The following MAP4K1 variants were observed in gnomAD, a reference collection of about 807,000 sequenced individuals.
MAP4K1 encodes mitogen-activated protein kinase kinase kinase kinase 1.
MAP4K1 carries 35 observed loss-of-function variants against 122.8 expected under a neutral mutation model. That is an observed-to-expected ratio of 0.29 (90% confidence interval 0.22 to 0.38). The LOEUF (loss-of-function observed/expected upper bound fraction) is 0.38, where lower values mean the gene tolerates loss of function less well. Ranked by LOEUF, MAP4K1 falls within the 10% of genes least tolerant of loss-of-function variation. The probability of loss-of-function intolerance (pLI) is 1.00; values close to 1 mark genes in which losing one functional copy is unlikely to be tolerated. For missense variants in MAP4K1, 791 were observed against 1,072.6 expected (o/e 0.74, Z 3.67); for synonymous variants, 412 against 421.3 (o/e 0.98, Z 0.27).
Position 38,617,211 on chromosome 19 carries a change from C to A in MAP4K1, c.248+143G>T. 2 of 643,834 alleles carry A rather than the reference C, an allele frequency of 3.1e-6. No individual in the cohort carries two copies. The highest frequency in any genetic ancestry group is 5.5e-6 in the Non-Finnish European group (2 of 364,656). 39.9% of individuals were successfully genotyped at this position (643,834 alleles called of 1,614,324 possible). On this transcript the variant is annotated intron_variant, in intron 3 of 30. Transcript: ENST00000396857. The surrounding 1 kb of genome is among the most constrained non-coding windows in gnomAD (Gnocchi z 4.1). ...AGTGAGCTGAGATCATGCCACTGCA[C>A]TCCAGCCTGGCAACAGAACAAGACT...
intron 8 of MAP4K1, among the ~76,000 whole-genome samples, chr19:38,613,331 G>GAAAAAA (rs74176452): frequency 9.5e-6 from 1 of 104,730 alleles, no homozygotes; most frequent in African/African-American, 3.6e-5. Context: ...GAACGAAAAA[G>GAAAAAA]AAAAAAAAAA....
At chr19:38,613,779 AG>A in intron 8 of MAP4K1, 100 bp downstream of exon 8, 1 of 880,188 alleles carries the variant, frequency 1.1e-6, no homozygotes, top group Non-Finnish European at 1.8e-6. Flanking sequence ...AGAAAGGACG[AG>A]GCAGGGGAAC....
Position 38,609,947 on chromosome 19 carries a change from C to G in MAP4K1, c.889G>C (p.Gly297Arg), listed in dbSNP as rs1322359494. Residue 297 changes from glycine to arginine, a missense_variant, in exon 12 of 31, where the codon GGA becomes CGA. By Grantham distance (125) the Gly-to-Arg change is moderately radical. This residue lies in a region of MAP4K1 where 303 missense variants were observed against 344.8 expected (regional missense o/e 0.88). Coordinates refer to ENST00000396857, the MANE Select transcript of MAP4K1 (RefSeq NM_001042600.3). ...TCCTCAATGTCCCCAATGGAGGGTCCTTTCCCGGGATTCTTCAGTTTGTCA... is the reference window on the plus strand; with the variant it reads ...TCCTCAATGTCCCCAATGGAGGGTCGTTTCCCGGGATTCTTCAGTTTGTCA... ...LLDKLKNPGK[G>R]PSIGDIEDEE... 1.2e-6 allele frequency: 2 copies of G among 1,614,216 alleles called. No homozygotes were observed. Among genetic ancestry groups the G allele is most frequent in the Admixed American group, 1.7e-5 (1 of 60,018 alleles).
At chr19:38,602,724 ATATACATG>A (rs1468540722) in intron 19 of MAP4K1, among the ~76,000 whole-genome samples, 2 of 148,030 alleles carry the variant, frequency 1.4e-5, no homozygotes, top group Admixed American at 6.7e-5. Context: ...ATATACACAC[ATATACATG>A]TATACATATA....
chr19:38,605,206 A>G (rs1975287799), intron 19 of MAP4K1, among the ~76,000 whole-genome samples: 1 of 152,024 alleles, frequency 6.6e-6, no homozygotes, highest in African/African-American at 2.4e-5. Flanking sequence ...CCATTTGTGA[A>G]ATGGGGGATA....
Position 38,600,063 on chromosome 19 carries a change from G to A in MAP4K1, c.1608+14C>T. The A allele has an allele frequency of 6.2e-7, 1 of 1,614,170 alleles. No homozygotes were observed. Among genetic ancestry groups the A allele is most frequent in the Non-Finnish European group, 8.5e-7 (1 of 1,180,026 alleles). On this transcript the variant is annotated intron_variant, in intron 21 of 30. Transcript: ENST00000396857. ...CGGCCCTTGCCCTTGCCCTGGCCCG[G>A]TATGGTTCCTCACCATTTCCAGCGT...
At chr19:38,594,699 G>A (rs1283850663) in intron 29 of MAP4K1, among the ~76,000 whole-genome samples, 2 of 151,890 alleles carry the variant, frequency 1.3e-5, no homozygotes, top group Non-Finnish European at 2.9e-5. Flanking sequence ...AGCACTTTGT[G>A]AGGCCAAGGA....
chr19:38,614,812 C>T, intron 4 of MAP4K1: 1 of 238,154 alleles, frequency 4.2e-6, no homozygotes, highest in Non-Finnish European at 8.3e-6. Context: ...ATCCCAAGTA[C>T]TCAGGAGGCT....
At chr19:38,609,843 T>G in intron 12 of MAP4K1, 66 bp downstream of exon 12, 1 of 1,455,350 alleles carries the variant, frequency 6.9e-7, no homozygotes, top group Non-Finnish European at 9.6e-7. Flanking sequence ...AAGGCACTGC[T>G]GGCAGCAGGC....
intron 29 of MAP4K1, among the ~76,000 whole-genome samples, chr19:38,595,055 C>T (rs188598771): frequency 1.0e-3 from 156 of 152,046 alleles, no homozygotes; most frequent in African/African-American, 3.6e-3. Flanking sequence ...GAGGCCAAGG[C>T]GGGTGAATCA....
intron 8 of MAP4K1, among the ~76,000 whole-genome samples, chr19:38,613,180 C>T (rs570164737): frequency 2.0e-5 from 3 of 151,882 alleles, no homozygotes; most frequent in South Asian, 2.1e-4. Context: ...TGGTGGCAGG[C>T]GTCTGTAATC....
At chr19:38,596,517 G>T in intron 25 of MAP4K1, 31 bp from the exon 26 acceptor site, 2 of 1,501,906 alleles carry the variant, frequency 1.3e-6, no homozygotes, top group Non-Finnish European at 1.8e-6. Flanking sequence ...GGCGGGCTAG[G>T]GGGTGGTTCA....
At chr19:38,613,056 C>A (rs2144740278) in intron 8 of MAP4K1, among the ~76,000 whole-genome samples, 1 of 151,874 alleles carries the variant, frequency 6.6e-6, no homozygotes, top group South Asian at 2.1e-4. Flanking sequence ...GCCTGTAATT[C>A]CAGCACTTTG....
At position 38,593,284 on chromosome 19, in the gene MAP4K1, G is replaced by C. The variant is rs746589308; in HGVS notation, c.2394C>G (p.Pro798=). 5 of 1,611,524 alleles carry C rather than the reference G, an allele frequency of 3.1e-6. No individual in the cohort carries two copies. The highest frequency in any genetic ancestry group is 1.6e-4 in the Middle Eastern group (1 of 6,076). ...PTLTFRLLGS[P]RPVVVETRPV... is the part of the protein sequence containing the mutation. Reference sequence around the variant, plus strand: ...CTGCACCCCACCCCACAACATACCTGGGGGAGCCAAGCAGACGGAAAGTGA... The same window carrying C: ...CTGCACCCCACCCCACAACATACCTCGGGGAGCCAAGCAGACGGAAAGTGA... Residue 798 remains proline, a splice_region_variant and synonymous_variant, in exon 30 of 31, where the codon CCC becomes CCG. Transcript: ENST00000396857.
At chr19:38,604,165 G>A (rs548616221) in intron 19 of MAP4K1, among the ~76,000 whole-genome samples, 32 of 146,836 alleles carry the variant, frequency 2.2e-4, no homozygotes, top group South Asian at 8.8e-4. Flanking sequence ...ACTTTAGAGA[G>A]TTCTAATTCA....
Position 38,605,500 on chromosome 19 carries a change from G to A in MAP4K1, c.1364-9C>T, listed in dbSNP as rs1417886027. On this transcript the variant is annotated splice_polypyrimidine_tract_variant and intron_variant, in intron 18 of 30. Coordinates refer to ENST00000396857, the MANE Select transcript of MAP4K1 (RefSeq NM_001042600.3). ...GTTCCAGAGTGAGGGTTCTGAGAGGGGTTAGGAGAAAATCAGCCCCCAAGA... is the reference window on the plus strand; with the variant it reads ...GTTCCAGAGTGAGGGTTCTGAGAGGAGTTAGGAGAAAATCAGCCCCCAAGA... The A allele has an allele frequency of 4.5e-6, 7 of 1,572,108 alleles. No homozygotes were observed. Among genetic ancestry groups the A allele is most frequent in the African/African-American group, 1.3e-5 (1 of 74,098 alleles).
intron 29 of MAP4K1, among the ~76,000 whole-genome samples, chr19:38,593,749 C>T (rs1044889254): frequency 2.6e-5 from 4 of 152,040 alleles, no homozygotes; most frequent in South Asian, 2.1e-4. Flanking sequence ...GCTGTGGTGG[C>T]GCATGCCTGT....
chr19:38,595,355 A>C (rs1974841810), intron 29 of MAP4K1, 130 bp downstream of exon 29: 1 of 698,052 alleles, frequency 1.4e-6, no homozygotes, highest in Non-Finnish European at 2.4e-6. Context: ...GATCTATCTG[A>C]ACTGAAATTT....
chr19:38,597,437 A>T lies in MAP4K1; in HGVS notation c.1778+49T>A. On this transcript the variant is annotated intron_variant, in intron 23 of 30. Transcript: ENST00000396857. The surrounding 1 kb of genome is among the most constrained non-coding windows in gnomAD (Gnocchi z 4.6). ...GTAGGACAGCAGGAGGCAGAGGGGC[A>T]TGGGAGGAATTATAAGGCTGTGTGG... 1 of 1,612,244 alleles carries T rather than the reference A, an allele frequency of 6.2e-7. No homozygotes were observed. Among genetic ancestry groups the T allele is most frequent in the South Asian group, 1.1e-5 (1 of 91,052 alleles).
Sources: gnomAD v4.1 joint callset for allele counts (sites outside exome capture counted in the v4.1 genomes callset) on GRCh38, gnomAD v4.1.1 for gene constraint, gnomAD v4.1.1 regional missense constraint, Gnocchi (gnomAD v3.1) non-coding constraint, MANE v1.5 for transcripts, NCBI Gene and HGNC (gene_info 2026-07-23, HGNC 2026-07-21) for gene names.